Variants in SCAF4 observed in about 807,000 individuals in gnomAD.
SCAF4 encodes SR-related and CTD-associated factor 4.
In SCAF4, 25 loss-of-function variants were observed where a neutral mutation model predicts 129.8. The ratio of observed to expected loss-of-function variants is 0.19; its 90% CI spans 0.14 to 0.27. The LOEUF is 0.27. Among genes scored for constraint, SCAF4 ranks in the 10% least tolerant of loss-of-function variants. The pLI is 1.00. For missense variants in SCAF4, 1,246 were observed against 1,457.1 expected (o/e 0.86, Z 2.36); for synonymous variants, 551 against 497.7 (o/e 1.11, Z -1.43).
chr21:31,698,575 G>C (rs2050443869), intron 7 of SCAF4, among the ~76,000 whole-genome samples: 1 of 152,156 alleles, frequency 6.6e-6, no homozygotes, highest in African/African-American at 2.4e-5. Flanking sequence ...AGGTGTTGCT[G>C]TGAAGGTGTT....
At chr21:31,721,337 T>C (rs755203933) in intron 1 of SCAF4, among the ~76,000 whole-genome samples, 9 of 152,220 alleles carry the variant, frequency 5.9e-5, no homozygotes, top group African/African-American at 9.6e-5. Context: ...TTTTAATCAA[T>C]GTAAACTAAG....
At chr21:31,717,842 T>TATATATATATAC (rs547466352) in intron 1 of SCAF4, among the ~76,000 whole-genome samples, 5 of 114,384 alleles carry the variant, frequency 4.4e-5, no homozygotes, top group African/African-American at 6.8e-5. Context: ...TATATATATA[T>TATATATATATAC]ACACACACAC....
chr21:31,729,794 A>G (rs961220083), intron 1 of SCAF4, among the ~76,000 whole-genome samples: 2 of 152,246 alleles, frequency 1.3e-5, no homozygotes, highest in Admixed American at 6.5e-5. Flanking sequence ...GCACATTTAA[A>G]AGGTCAAATA....
intron 1 of SCAF4, among the ~76,000 whole-genome samples, chr21:31,722,944 C>T (rs568108129): frequency 3.6e-4 from 55 of 151,902 alleles, no homozygotes; most frequent in African/African-American, 1.3e-3. Flanking sequence ...CAGAGCAAGA[C>T]TCCATCTAAA....
intron 1 of SCAF4, among the ~76,000 whole-genome samples, chr21:31,723,332 A>G (rs1383687730): frequency 1.3e-5 from 2 of 152,046 alleles, no homozygotes; most frequent in African/African-American, 2.4e-5. Context: ...TGCACCTGTA[A>G]TCTCAGCTAC....
At chr21:31,691,206 A>G (rs777200653) in intron 14 of SCAF4, among the ~76,000 whole-genome samples, 31 of 152,136 alleles carry the variant, frequency 2.0e-4, no homozygotes, top group Non-Finnish European at 4.0e-4. Flanking sequence ...AGCCAACATA[A>G]AACTTAGAGA....
chr21:31,731,639 C>A, intron 1 of SCAF4, 24 bp downstream of exon 1: 7 of 1,588,038 alleles, frequency 4.4e-6, no homozygotes, highest in Admixed American at 1.7e-5. Flanking sequence ...GGCCCGGCAC[C>A]CCCCTGCCCC....
At chr21:31,689,500 G>A (rs535593589) in intron 15 of SCAF4, among the ~76,000 whole-genome samples, 1 of 149,522 alleles carries the variant, frequency 6.7e-6, no homozygotes, top group South Asian at 2.1e-4. Flanking sequence ...AGTAAAGATG[G>A]GGTTTTACCA....
At position 31,731,773 on chromosome 21, in the gene SCAF4, G is replaced by C; in HGVS notation, c.-81C>G. The C allele has an allele frequency of 6.8e-7, 1 of 1,473,872 alleles. No individual in the cohort carries two copies. Among genetic ancestry groups the C allele is most frequent in the Non-Finnish European group, 9.0e-7 (1 of 1,113,740 alleles). The allele number at this position is 1,473,872 out of a possible 1,614,324, so 91.3% of individuals were successfully genotyped here. ...GCGGCGGAGCGGGGCTGGGAAACCA[G>C]CCGGGCCTGGTGGCCGGGGGGAGGC... On this transcript the variant is annotated 5_prime_UTR_variant, in exon 1 of 20. Coordinates refer to ENST00000286835, the MANE Select transcript of SCAF4 (RefSeq NM_020706.2).
At position 31,703,746 on chromosome 21, in the gene SCAF4, G is replaced by C. The variant is rs1240836844; in HGVS notation, c.321+19C>G. The C allele has an allele frequency of 3.8e-6, 5 of 1,301,346 alleles. No homozygotes were observed. Among genetic ancestry groups the C allele is most frequent in the African/African-American group, 1.5e-5 (1 of 67,706 alleles). The allele number at this position is 1,301,346 out of a possible 1,614,324, so 80.6% of individuals were successfully genotyped here. A position where few individuals can be genotyped will look rare whatever the true frequency, so the allele number is the denominator to read the frequency against. On this transcript the variant is annotated intron_variant, in intron 4 of 19. Transcript: ENST00000286835. ...TATTTTTTAAAGAATACAAGTTTTA[G>C]TTTAAAAATTAATTATACCTTATCT... is the stretch of plus-strand genomic sequence containing the variant.
chr21:31,720,148 T>A (rs964820558), intron 1 of SCAF4, among the ~76,000 whole-genome samples: 1 of 152,212 alleles, frequency 6.6e-6, no homozygotes, highest in East Asian at 1.9e-4. Context: ...CAGTTGGCTA[T>A]TAAAACATTT....
intron 6 of SCAF4, among the ~76,000 whole-genome samples, chr21:31,701,529 T>A (rs1179427518): frequency 6.6e-6 from 1 of 152,180 alleles, no homozygotes; most frequent in East Asian, 1.9e-4. Flanking sequence ...GTGAGCAACA[T>A]GAGCCACTTA....
Position 31,696,213 on chromosome 21 carries a change from G to T in SCAF4, c.968C>A (p.Pro323His), listed in dbSNP as rs762920421. Residue 323 changes from proline (P) to histidine (H), a missense_variant, in exon 9 of 20, where the codon CCT becomes CAT. Physicochemically the swap from Pro to His is moderately conservative, Grantham distance 77 (BLOSUM62 -2). Around this residue, in one of 6 missense-constraint regions of SCAF4, gnomAD observed 236 missense variants for 210.0 expected, o/e 1.12. Coordinates refer to ENST00000286835, the MANE Select transcript of SCAF4 (RefSeq NM_020706.2). ...PPPPQAPFGFPGDGMQQPAYT... is the reference protein window; with the variant it reads ...PPPPQAPFGFHGDGMQQPAYT... Reference sequence around the variant, plus strand: ...TGCTGGCTGCTGCATGCCATCTCCAGGAAAGCCACTAAAAAAAGGTGGATA... The same window carrying T: ...TGCTGGCTGCTGCATGCCATCTCCATGAAAGCCACTAAAAAAAGGTGGATA... The T allele has an allele frequency of 1.9e-6, 3 of 1,612,938 alleles. No homozygotes were observed. Among genetic ancestry groups the T allele is most frequent in the Admixed American group, 3.3e-5 (2 of 59,896 alleles).
At chr21:31,729,817 T>A (rs1249980192) in intron 1 of SCAF4, among the ~76,000 whole-genome samples, 1 of 152,202 alleles carries the variant, frequency 6.6e-6, no homozygotes, top group Non-Finnish European at 1.5e-5. Context: ...ACTTCCCTTT[T>A]TCAAGGAATC....
At chr21:31,705,163 T>A (rs2050626745) in intron 3 of SCAF4, among the ~76,000 whole-genome samples, 1 of 152,108 alleles carries the variant, frequency 6.6e-6, no homozygotes, top group Admixed American at 6.5e-5. Context: ...GGGGGTAGAG[T>A]AAGCACTTCA....
chr21:31,717,229 C>T (rs889016233), intron 1 of SCAF4, among the ~76,000 whole-genome samples: 6 of 152,116 alleles, frequency 3.9e-5, no homozygotes, highest in African/African-American at 1.2e-4. Flanking sequence ...AGTAATTCTA[C>T]TTCTAGAAAT....
chr21:31,679,057 T>G (rs2049935916), intron 19 of SCAF4, among the ~76,000 whole-genome samples: 1 of 152,150 alleles, frequency 6.6e-6, no homozygotes, highest in African/African-American at 2.4e-5. Flanking sequence ...TCTCAGGGAA[T>G]TAAGAATAGA....
chr21:31,724,581 C>G (rs1433369464), intron 1 of SCAF4, among the ~76,000 whole-genome samples: 2 of 152,108 alleles, frequency 1.3e-5, no homozygotes, highest in Admixed American at 6.5e-5. Context: ...ACTATGTTAT[C>G]AAGGTGTATT....
At chr21:31,677,506 T>G (rs1475039798) in intron 19 of SCAF4, among the ~76,000 whole-genome samples, 1 of 152,208 alleles carries the variant, frequency 6.6e-6, no homozygotes, top group Non-Finnish European at 1.5e-5. Context: ...CAACCCTATG[T>G]AACTGGGCTT....
Sources: gnomAD v4.1 joint callset for allele counts (sites outside exome capture counted in the v4.1 genomes callset) on GRCh38, gnomAD v4.1.1 for gene constraint, gnomAD v4.1.1 regional missense constraint, MANE v1.5 for transcripts, NCBI Gene and HGNC (gene_info 2026-07-23, HGNC 2026-07-21) for gene names.